The following EPM2A variants were observed in gnomAD, a reference collection of about 807,000 sequenced individuals.
EPM2A encodes the protein laforin.
EPM2A carries 21 observed loss-of-function variants against 26.5 expected under a neutral mutation model. The ratio of observed to expected loss-of-function variants is 0.79; its 90% CI spans 0.56 to 1.14. EPM2A has a LOEUF of 1.14. Ranked by LOEUF, EPM2A falls within the 50% of genes most tolerant of loss-of-function variation. EPM2A has a pLI of 0.00. For synonymous variants in EPM2A, 217 were observed against 177.6 expected, an observed-to-expected ratio of 1.22 and a Z score of -1.76; for missense variants, 458 against 440.8, an observed-to-expected ratio of 1.04 and a Z score of -0.35.
At chr6:145,555,423 G>A (rs1306620266) in intron 2 of EPM2A, among the ~76,000 whole-genome samples, 1 of 151,984 alleles carries the variant, frequency 6.6e-6, no homozygotes, top group Non-Finnish European at 1.5e-5. Context: ...AAATTAGGTT[G>A]AGCCAGGAAA....
chr6:145,713,109 T>C (rs1173074637), intron 1 of EPM2A, among the ~76,000 whole-genome samples: 2 of 152,334 alleles, frequency 1.3e-5, no homozygotes, highest in Non-Finnish European at 2.9e-5. Context: ...AAGCTCCCAC[T>C]TGTAACAGAT....
At chr6:145,632,934 C>A (rs1479800602) in intron 3 of EPM2A, among the ~76,000 whole-genome samples, 7 of 152,210 alleles carry the variant, frequency 4.6e-5, no homozygotes, top group Admixed American at 2.6e-4. Context: ...TGGAAGCTTG[C>A]ATTTTGCAGC....
chr6:145,701,756 C>A (rs1781923886), intron 1 of EPM2A, among the ~76,000 whole-genome samples: 1 of 152,178 alleles, frequency 6.6e-6, no homozygotes, highest in Non-Finnish European at 1.5e-5. Context: ...GAGGATAAAT[C>A]ATATTTCCTT....
At chr6:145,413,767 GT>G (rs1448321761) in intron 4 of EPM2A, among the ~76,000 whole-genome samples, 4 of 152,126 alleles carry the variant, frequency 2.6e-5, no homozygotes, top group African/African-American at 9.7e-5. Flanking sequence ...AGGCTTTGGG[GT>G]CCTGACAAAT....
intron 2 of EPM2A, among the ~76,000 whole-genome samples, chr6:145,604,996 A>G (rs1775198916): frequency 2.0e-5 from 3 of 152,152 alleles, no homozygotes; most frequent in African/African-American, 7.2e-5. Context: ...AGCTTTAAAG[A>G]TCACCCTGCC....
intron 2 of EPM2A, among the ~76,000 whole-genome samples, chr6:145,576,022 GAT>G (rs1407078912): frequency 6.6e-6 from 1 of 152,166 alleles, no homozygotes; most frequent in Non-Finnish European, 1.5e-5. Flanking sequence ...TTTCAGTAAA[GAT>G]GGAGTTTCAC....
chr6:145,534,785 T>A (rs1780407853), intron 2 of EPM2A, among the ~76,000 whole-genome samples: 1 of 152,196 alleles, frequency 6.6e-6, no homozygotes, highest in South Asian at 2.1e-4. Context: ...GGAAACTACA[T>A]CCCTCATAAA....
At chr6:145,540,377 C>T (rs1289572134) in intron 2 of EPM2A, among the ~76,000 whole-genome samples, 1 of 152,188 alleles carries the variant, frequency 6.6e-6, no homozygotes, top group African/African-American at 2.4e-5. Flanking sequence ...ACTTTAACCC[C>T]TGAGAGGGAA....
chr6:145,427,676 T>C (rs1344453415), intron 4 of EPM2A, among the ~76,000 whole-genome samples: 2 of 152,174 alleles, frequency 1.3e-5, no homozygotes, highest in South Asian at 2.1e-4. Context: ...ACTATTCAAT[T>C]AGCACAAGAA....
chr6:145,568,618 C>T (rs188018722), intron 2 of EPM2A, among the ~76,000 whole-genome samples: 17 of 152,254 alleles, frequency 1.1e-4, no homozygotes, highest in Admixed American at 9.8e-4. Context: ...CCACTGCGCC[C>T]GGCCTGGAAT....
intron 2 of EPM2A, among the ~76,000 whole-genome samples, chr6:145,545,789 C>A (rs1343777478): frequency 6.6e-6 from 1 of 152,104 alleles, no homozygotes; most frequent in Admixed American, 6.6e-5. Flanking sequence ...GCCATACTAA[C>A]TTCAGTTATA....
intron 4 of EPM2A, among the ~76,000 whole-genome samples, chr6:145,411,662 C>A (rs1362720326): frequency 6.6e-6 from 1 of 152,022 alleles, no homozygotes; most frequent in Non-Finnish European, 1.5e-5. Flanking sequence ...AACAAAAGTA[C>A]AATGATACCC....
intron 2 of EPM2A, among the ~76,000 whole-genome samples, chr6:145,613,870 C>A (rs4398765): frequency 0.27 from 40,775 of 152,098 alleles, 5,963 homozygotes; most frequent in South Asian, 0.4. Context: ...ACCTTAGGGT[C>A]TTCATAATGA....
intron 4 of EPM2A, among the ~76,000 whole-genome samples, chr6:145,471,228 G>A (rs1020807436): frequency 7.9e-5 from 12 of 152,100 alleles, no homozygotes; most frequent in African/African-American, 2.7e-4. Flanking sequence ...TTTAATGATC[G>A]TAGGAGGATT....
chr6:145,438,905 A>G (rs1317409452), intron 4 of EPM2A, among the ~76,000 whole-genome samples: 2 of 116,212 alleles, frequency 1.7e-5, no homozygotes, highest in Non-Finnish European at 3.7e-5. Context: ...TACTCAGCAT[A>G]GTACCCAATA....
intron 1 of EPM2A, among the ~76,000 whole-genome samples, chr6:145,718,558 G>A (rs949185118): frequency 6.6e-6 from 1 of 152,074 alleles, no homozygotes; most frequent in Non-Finnish European, 1.5e-5. Context: ...CATAGGCATG[G>A]GCAAGGACTT....
chr6:145,543,974 A>G (rs1253599825), intron 2 of EPM2A, among the ~76,000 whole-genome samples: 1 of 152,250 alleles, frequency 6.6e-6, no homozygotes, highest in Non-Finnish European at 1.5e-5. Flanking sequence ...TTATTTAACA[A>G]TTAGCTATAA....
At chr6:145,456,398 C>T (rs1216275752) in intron 4 of EPM2A, among the ~76,000 whole-genome samples, 1 of 152,056 alleles carries the variant, frequency 6.6e-6, no homozygotes, top group African/African-American at 2.4e-5. Flanking sequence ...ACAGTTGAAG[C>T]ATTTGCACTC....
chr6:145,537,388 C>T (rs184710825), intron 2 of EPM2A, among the ~76,000 whole-genome samples: 13 of 152,234 alleles, frequency 8.5e-5, no homozygotes, highest in East Asian at 5.8e-4. Flanking sequence ...ATCCTGACTA[C>T]GGTGATTAGA....
Sources: gnomAD v4.1 joint callset for allele counts (sites outside exome capture counted in the v4.1 genomes callset) on GRCh38, gnomAD v4.1.1 for gene constraint, MANE v1.5 for transcripts, NCBI Gene and HGNC (gene_info 2026-07-23, HGNC 2026-07-21) for gene names.